The following GALNT13 variants were observed in gnomAD, a reference collection of about 807,000 sequenced individuals.
The protein encoded by GALNT13 is polypeptide N-acetylgalactosaminyltransferase 13, also known as UDP-GalNAc:polypeptide N-acetylgalactosaminyltransferase 13.
In GALNT13, 28 loss-of-function variants were observed where a neutral mutation model predicts 64.2. The observed-to-expected ratio is 0.44, with a 90% CI of 0.32 to 0.60. The LOEUF is 0.60. Ranked by LOEUF, GALNT13 falls within the 20% of genes least tolerant of loss-of-function variation. The pLI is 0.05. For missense variants in GALNT13, 577 were observed against 669.8 expected (o/e 0.86, Z 1.53); for synonymous variants, 214 against 224.6 (o/e 0.95, Z 0.42).
At chr2:153,198,676 C>G in the GALNT13 span, among the ~76,000 whole-genome samples, 1 of 152,204 alleles carries the variant, frequency 6.6e-6, no homozygotes, top group Non-Finnish European at 1.5e-5. Flanking sequence ...CTTCCTCACT[C>G]TTTTGCCTTC....
At chr2:154,158,939 C>T (rs1349928109) in intron 4 of GALNT13, among the ~76,000 whole-genome samples, 2 of 152,000 alleles carry the variant, frequency 1.3e-5, no homozygotes, top group African/African-American at 2.4e-5. Flanking sequence ...TACTCCAACC[C>T]GTGACACTTT....
chr2:153,188,100 T>C, the GALNT13 span, among the ~76,000 whole-genome samples: 755 of 152,136 alleles, frequency 5.0e-3, 5 homozygotes, highest in African/African-American at 0.017. Flanking sequence ...AGTAAAATCA[T>C]ATTTACTGGT....
chr2:154,177,745 A>T (rs1685731571), intron 4 of GALNT13, among the ~76,000 whole-genome samples: 1 of 152,196 alleles, frequency 6.6e-6, no homozygotes, highest in South Asian at 2.1e-4. Flanking sequence ...TATTTAATAT[A>T]TATGTACATA....
At chr2:154,387,068 CATA>C (rs762449734) in intron 9 of GALNT13, among the ~76,000 whole-genome samples, 1 of 152,088 alleles carries the variant, frequency 6.6e-6, no homozygotes, top group Non-Finnish European at 1.5e-5. Context: ...AAATTCAACA[CATA>C]ATCACTATGT....
chr2:154,048,523 T>G (rs1699405816), intron 3 of GALNT13, among the ~76,000 whole-genome samples: 1 of 152,232 alleles, frequency 6.6e-6, no homozygotes, highest in Non-Finnish European at 1.5e-5. Context: ...AGGTAGCTTT[T>G]CTTTAAAAAT....
chr2:154,273,342 A>G (rs1264378116), intron 8 of GALNT13, among the ~76,000 whole-genome samples: 1 of 152,108 alleles, frequency 6.6e-6, no homozygotes, highest in Non-Finnish European at 1.5e-5. Flanking sequence ...AAAAAAAATG[A>G]TAAATGCAAA....
At chr2:153,482,328 AC>A in the GALNT13 span, among the ~76,000 whole-genome samples, 1 of 152,308 alleles carries the variant, frequency 6.6e-6, no homozygotes, top group African/African-American at 2.4e-5. Flanking sequence ...GCATACACAG[AC>A]TTTCTAAGAG....
intron 4 of GALNT13, among the ~76,000 whole-genome samples, chr2:154,145,172 A>G (rs1249732913): frequency 5.4e-5 from 8 of 148,874 alleles, no homozygotes. Flanking sequence ...ATTTATATGT[A>G]TAAATAAAAT....
At chr2:154,372,530 A>T (rs1189956840) in intron 9 of GALNT13, among the ~76,000 whole-genome samples, 1 of 152,120 alleles carries the variant, frequency 6.6e-6, no homozygotes, top group East Asian at 1.9e-4. Context: ...TTTAACAATC[A>T]ACGACAGGGG....
the GALNT13 span, among the ~76,000 whole-genome samples, chr2:153,512,972 A>G: frequency 6.6e-6 from 1 of 152,180 alleles, no homozygotes; most frequent in African/African-American, 2.4e-5. Context: ...AACACATGTT[A>G]TTTGCTAATT....
intron 3 of GALNT13, among the ~76,000 whole-genome samples, chr2:154,034,730 T>A (rs1342093488): frequency 6.6e-6 from 1 of 152,192 alleles, no homozygotes; most frequent in Non-Finnish European, 1.5e-5. Context: ...TCACTTAAGA[T>A]AATGGCTTCT....
the GALNT13 span, among the ~76,000 whole-genome samples, chr2:153,110,275 T>A: frequency 6.6e-6 from 1 of 152,124 alleles, no homozygotes. Context: ...CTGTCACTGA[T>A]AGCTTAATAG....
the GALNT13 span, among the ~76,000 whole-genome samples, chr2:153,197,542 G>A: frequency 2.6e-5 from 4 of 152,232 alleles, no homozygotes; most frequent in Admixed American, 1.3e-4. Flanking sequence ...TGGGACTGGG[G>A]GCCAGTGCCA....
intron 1 of GALNT13, among the ~76,000 whole-genome samples, chr2:153,885,418 G>T (rs1051758107): frequency 1.2e-4 from 18 of 151,610 alleles, no homozygotes; most frequent in African/African-American, 4.1e-4. Flanking sequence ...TGTTTTAATA[G>T]AACTTTTTTC....
chr2:153,664,818 C>T, the GALNT13 span, among the ~76,000 whole-genome samples: 1 of 152,146 alleles, frequency 6.6e-6, no homozygotes, highest in Non-Finnish European at 1.5e-5. Flanking sequence ...TGTAAGTGTG[C>T]CATTTTACAA....
chr2:153,705,021 C>A, the GALNT13 span, among the ~76,000 whole-genome samples: 2 of 152,106 alleles, frequency 1.3e-5, no homozygotes, highest in African/African-American at 4.8e-5. Flanking sequence ...TGTCAACCAC[C>A]ACAACATTGC....
chr2:153,320,383 G>A, the GALNT13 span, among the ~76,000 whole-genome samples: 259 of 152,282 alleles, frequency 1.7e-3, 1 homozygote, highest in Non-Finnish European at 2.6e-3. Context: ...GCTAGCCAGT[G>A]ACCTAGTCAA....
intron 3 of GALNT13, among the ~76,000 whole-genome samples, chr2:154,113,983 G>A (rs1230433797): frequency 6.6e-6 from 1 of 152,144 alleles, no homozygotes; most frequent in Non-Finnish European, 1.5e-5. Flanking sequence ...GCTGCAATTG[G>A]AGTCACCACC....
At chr2:154,051,526 A>G (rs958262054) in intron 3 of GALNT13, among the ~76,000 whole-genome samples, 9 of 151,158 alleles carry the variant, frequency 6.0e-5, no homozygotes, top group Non-Finnish European at 1.3e-4. Flanking sequence ...TCCTGACCTC[A>G]TGATCCACCC....
Sources: gnomAD v4.1 joint callset for allele counts (sites outside exome capture counted in the v4.1 genomes callset) on GRCh38, gnomAD v4.1.1 for gene constraint, MANE v1.5 for transcripts, NCBI Gene and HGNC (gene_info 2026-07-23, HGNC 2026-07-21) for gene names.